NCAM2: variants seen among roughly 807,000 people sequenced by gnomAD.
The protein encoded by NCAM2 is N-CAM-2.
In NCAM2, 30 loss-of-function variants were observed where a neutral mutation model predicts 98.1. The ratio of observed to expected loss-of-function variants is 0.31; its 90% CI spans 0.23 to 0.41. The LOEUF (loss-of-function observed/expected upper bound fraction) is 0.41, where lower values mean the gene tolerates loss of function less well. Ranked by LOEUF, NCAM2 falls within the 10% of genes least tolerant of loss-of-function variation. NCAM2 has a pLI of 1.00. For missense variants in NCAM2, 867 were observed against 1,005.8 expected (o/e 0.86, Z 1.87); for synonymous variants, 368 against 342.4 (o/e 1.07, Z -0.83).
chr21:21,189,081 C>T (rs1208655316), intron 1 of NCAM2, among the ~76,000 whole-genome samples: 1 of 152,124 alleles, frequency 6.6e-6, no homozygotes, highest in Non-Finnish European at 1.5e-5. Flanking sequence ...AAAGCTTTAG[C>T]ATTTATCTAG....
intron 15 of NCAM2, among the ~76,000 whole-genome samples, chr21:21,489,004 T>C (rs571992022): frequency 6.6e-6 from 1 of 152,230 alleles, no homozygotes; most frequent in South Asian, 2.1e-4. Context: ...TTTTTTTATT[T>C]TCTTGAGACA....
intron 1 of NCAM2, among the ~76,000 whole-genome samples, chr21:21,051,631 A>T (rs565681049): frequency 7.2e-4 from 109 of 152,340 alleles, no homozygotes; most frequent in African/African-American, 2.5e-3. Flanking sequence ...TTCTGAACCC[A>T]GCACAGTATC....
chr21:21,310,738 G>A (rs28459346), intron 5 of NCAM2, among the ~76,000 whole-genome samples: 7,017 of 152,098 alleles, frequency 0.046, 294 homozygotes, highest in East Asian at 0.19. Context: ...GAATTTTAAC[G>A]TATACATAGA....
At chr21:21,464,764 G>A (rs191566593) in intron 12 of NCAM2, among the ~76,000 whole-genome samples, 18 of 152,166 alleles carry the variant, frequency 1.2e-4, no homozygotes, top group Admixed American at 1.2e-3. Context: ...CTTCTCTTCA[G>A]TGTAACTATA....
At position 21,294,099 on chromosome 21, in the gene NCAM2, G is replaced by A. The variant is rs539834144; in HGVS notation, c.619+1858G>A. On this transcript the variant is annotated intron_variant, in intron 5 of 17. Coordinates refer to ENST00000400546, the MANE Select transcript of NCAM2 (RefSeq NM_004540.5). The stretch of plus-strand genomic sequence containing the variant: ...TGTGGTTGGTGCAAAAGTAATTGTG[G>A]TGTTTATCATTACTTTTAATGACAG... Among the ~76,000 whole-genome samples, 63 of 151,288 alleles carry A rather than the reference G, an allele frequency of 4.2e-4. No individual in the cohort carries two copies. The South Asian group carries it at 0.013, about 31-fold the overall frequency.
At chr21:21,072,926 A>C (rs2146371532) in intron 1 of NCAM2, among the ~76,000 whole-genome samples, 1 of 152,244 alleles carries the variant, frequency 6.6e-6, no homozygotes, top group East Asian at 1.9e-4. Context: ...CATCTCCAGA[A>C]CTGTTTCAAC....
chr21:21,201,859 A>T (rs751637256), intron 1 of NCAM2, among the ~76,000 whole-genome samples: 13 of 152,186 alleles, frequency 8.5e-5, no homozygotes, highest in Non-Finnish European at 1.8e-4. Context: ...ATTTTTAGAA[A>T]TCTGAATTCT....
intron 1 of NCAM2, among the ~76,000 whole-genome samples, chr21:21,229,943 C>T (rs1244867266): frequency 6.6e-6 from 1 of 151,328 alleles, no homozygotes; most frequent in Non-Finnish European, 1.5e-5. Context: ...ATAAAAATAT[C>T]ATATAACATT....
chr21:21,395,795 T>A (rs1461783548), intron 9 of NCAM2, among the ~76,000 whole-genome samples: 1 of 151,902 alleles, frequency 6.6e-6, no homozygotes, highest in Non-Finnish European at 1.5e-5. Context: ...GGTACTGGGA[T>A]AATTGGCAAG....
At chr21:21,116,580 C>T (rs544673626) in intron 1 of NCAM2, among the ~76,000 whole-genome samples, 2 of 152,214 alleles carry the variant, frequency 1.3e-5, no homozygotes, top group Non-Finnish European at 2.9e-5. Flanking sequence ...TGTGTCCGGG[C>T]GCAGCGGCTC....
At chr21:21,401,763 T>A (rs540099390) in intron 9 of NCAM2, among the ~76,000 whole-genome samples, 1 of 152,176 alleles carries the variant, frequency 6.6e-6, no homozygotes, top group African/African-American at 2.4e-5. Flanking sequence ...TATAGGAGTA[T>A]GGATATCTTT....
chr21:21,351,117 CAAAAAAAAA>C (rs61586915), intron 8 of NCAM2, among the ~76,000 whole-genome samples: 2 of 83,756 alleles, frequency 2.4e-5, no homozygotes, highest in Non-Finnish European at 4.3e-5. Context: ...GACTCTGTCT[CAAAAAAAAA>C]AAAAAAAAAA....
At chr21:21,038,786 T>A (rs1453596244) in intron 1 of NCAM2, among the ~76,000 whole-genome samples, 1 of 152,128 alleles carries the variant, frequency 6.6e-6, no homozygotes, top group Non-Finnish European at 1.5e-5. Context: ...CAAATCCCAT[T>A]TGACTGTAGA....
chr21:21,365,207 G>C (rs748933980), intron 8 of NCAM2, among the ~76,000 whole-genome samples: 1 of 148,972 alleles, frequency 6.7e-6, no homozygotes, highest in African/African-American at 2.5e-5. Context: ...AGTGCTTTCC[G>C]TTGGAGATTT....
rs61325994 is a variant in NCAM2, at chr21:21,049,013, A to ATTTTTTTTTTTT, written c.55+50400_55+50411dup. ...TATTTACTATTTATATTTACTATTA[A>ATTTTTTTTTTTT]TTTTTTTTTTTTTTTTGAGACGGAG... is the stretch of plus-strand genomic sequence containing the variant. On this transcript the variant is annotated intron_variant, in intron 1 of 17. Coordinates refer to ENST00000400546, the MANE Select transcript of NCAM2 (RefSeq NM_004540.5). 1.9e-3 allele frequency among the ~76,000 whole-genome samples: 254 copies of ATTTTTTTTTTTT among 133,440 alleles called. 1 individual carries two copies. Among genetic ancestry groups the ATTTTTTTTTTTT allele is most frequent in the African/African-American group, 6.9e-3 (246 of 35,588 alleles). 87.5% of individuals were successfully genotyped at this position (133,440 alleles called of 152,430 possible). A position where few individuals can be genotyped will look rare whatever the true frequency, so the allele number is the denominator to read the frequency against.
At chr21:21,253,285 G>A (rs547657431) in intron 1 of NCAM2, among the ~76,000 whole-genome samples, 13 of 152,166 alleles carry the variant, frequency 8.5e-5, no homozygotes, top group Non-Finnish European at 1.5e-4. Flanking sequence ...ATTTTTAATA[G>A]TATTGAGAAC....
At chr21:21,015,796 C>T (rs574489564) in intron 1 of NCAM2, among the ~76,000 whole-genome samples, 85 of 152,230 alleles carry the variant, frequency 5.6e-4, no homozygotes, top group African/African-American at 2.0e-3. Context: ...CTCCGCCTCT[C>T]GCGTTCAAGC....
intron 10 of NCAM2, among the ~76,000 whole-genome samples, chr21:21,417,681 A>G (rs1291276196): frequency 6.6e-6 from 1 of 152,182 alleles, no homozygotes; most frequent in African/African-American, 2.4e-5. Context: ...GTGTTCACCA[A>G]TAGAATCCCC....
chr21:21,471,673 A>G (rs1238865948), intron 14 of NCAM2, among the ~76,000 whole-genome samples: 1 of 152,026 alleles, frequency 6.6e-6, no homozygotes, highest in African/African-American at 2.4e-5. Context: ...TATTCTTTAT[A>G]TGACTTGATT....
Sources: gnomAD v4.1 joint callset for allele counts (sites outside exome capture counted in the v4.1 genomes callset) on GRCh38, gnomAD v4.1.1 for gene constraint, MANE v1.5 for transcripts, NCBI Gene and HGNC (gene_info 2026-07-23, HGNC 2026-07-21) for gene names.